Variants in GPR107 observed in about 807,000 individuals in gnomAD.
GPR107 encodes the protein G protein-coupled receptor 107, also known as protein GPR107.
A neutral mutation model predicts 75.5 loss-of-function variants in GPR107; 31 were observed. The observed-to-expected ratio is 0.41, with a 90% confidence interval of 0.31 to 0.55. The LOEUF is 0.55. Among genes scored for constraint, GPR107 ranks in the 20% least tolerant of loss-of-function variants. GPR107 has a pLI of 0.26. For synonymous variants in GPR107, 267 were observed against 251.3 expected (o/e 1.06, Z -0.59); for missense variants, 572 against 665.7 (o/e 0.86, Z 1.55).
intron 17 of GPR107, chr9:130,128,971 G>A: frequency 2.1e-6 from 1 of 483,862 alleles, no homozygotes; most frequent in Non-Finnish European, 3.7e-6. Flanking sequence ...GTCTTGTCAG[G>A]GAAGATGGAA....
At chr9:130,107,605 G>T in intron 14 of GPR107, 66 bp downstream of exon 14, 1 of 978,856 alleles carries the variant, frequency 1.0e-6, no homozygotes, top group Non-Finnish European at 1.7e-6. Context: ...GCGGCACTGC[G>T]GAGGAGTGGA....
chr9:130,060,160 T>C (rs1829892774), intron 1 of GPR107, among the ~76,000 whole-genome samples: 1 of 151,942 alleles, frequency 6.6e-6, no homozygotes, highest in African/African-American at 2.4e-5. Flanking sequence ...CCTCCCAGGT[T>C]CAAGCAATTC....
intron 1 of GPR107, among the ~76,000 whole-genome samples, chr9:130,057,827 A>T (rs1829830907): frequency 9.4e-6 from 1 of 106,270 alleles, no homozygotes; most frequent in South Asian, 3.5e-4. Context: ...TTATTTATTT[A>T]TTATTATTAT....
chr9:130,128,442 T>C (rs766184789), intron 16 of GPR107, among the ~76,000 whole-genome samples, 198 bp from the exon 17 acceptor site: 1 of 152,138 alleles, frequency 6.6e-6, no homozygotes, highest in Non-Finnish European at 1.5e-5. Context: ...GCCTCGGAAA[T>C]GTCAGCCCTG....
chr9:130,126,441 G>A (rs4837470), intron 15 of GPR107, among the ~76,000 whole-genome samples: 11,821 of 151,168 alleles, frequency 0.078, 597 homozygotes, highest in East Asian at 0.14. Context: ...CGCCTCTTGG[G>A]TTCAAGCGAT....
intron 3 of GPR107, among the ~76,000 whole-genome samples, chr9:130,076,893 G>T (rs7869811): frequency 0.52 from 75,051 of 145,236 alleles, 19,423 homozygotes; most frequent in East Asian, 0.76. Flanking sequence ...TTTGTTTTTT[G>T]TTTTTTTTTT....
chr9:130,109,925 A>C (rs943983673), intron 14 of GPR107, among the ~76,000 whole-genome samples: 9 of 152,148 alleles, frequency 5.9e-5, no homozygotes, highest in Non-Finnish European at 1.5e-5. Context: ...ATTATCTTAT[A>C]CACTTCTGTA....
intron 1 of GPR107, among the ~76,000 whole-genome samples, chr9:130,059,403 A>C (rs957435191): frequency 1.3e-5 from 2 of 152,060 alleles, no homozygotes; most frequent in Non-Finnish European, 2.9e-5. Flanking sequence ...CAGGAGAATC[A>C]CTGTAACGCA....
intron 1 of GPR107, among the ~76,000 whole-genome samples, chr9:130,063,272 G>C (rs889633665): frequency 6.6e-6 from 1 of 151,722 alleles, no homozygotes; most frequent in Non-Finnish European, 1.5e-5. Context: ...CTCACTGCAA[G>C]CTCCACTTCC....
At position 130,139,264 on chromosome 9, in the gene GPR107, G is replaced by A. The variant is rs1832035457; in HGVS notation, c.*4143G>A. Reference sequence around the variant, plus strand: ...TATCAAAAAGATATTCATCCAGAAAGTACCAAATGTTCTGAAAGACCCGCT... The same window carrying A: ...TATCAAAAAGATATTCATCCAGAAAATACCAAATGTTCTGAAAGACCCGCT... On this transcript the variant is annotated 3_prime_UTR_variant, in exon 18 of 18. Transcript: ENST00000347136. 6.6e-6 allele frequency: 1 copy of A among 152,176 alleles called. No individual in the cohort carries two copies. Among genetic ancestry groups the A allele is most frequent in the African/African-American group, 2.4e-5 (1 of 41,420 alleles). The allele number at this position is 152,176 out of a possible 1,614,324, so 9.4% of individuals were successfully genotyped here.
At chr9:130,068,303 T>G (rs1056258163) in intron 1 of GPR107, among the ~76,000 whole-genome samples, 2 of 152,096 alleles carry the variant, frequency 1.3e-5, no homozygotes, top group African/African-American at 4.8e-5. Flanking sequence ...GAATGGGTTC[T>G]TATTGTACTG....
At chr9:130,125,516 A>G (rs1415138515) in intron 15 of GPR107, among the ~76,000 whole-genome samples, 1 of 151,184 alleles carries the variant, frequency 6.6e-6, no homozygotes, top group East Asian at 1.9e-4. Context: ...CTGGGACTGC[A>G]GGTGTAGGCC....
In GPR107 at chr9:130,110,248, G is replaced by C; in HGVS notation, c.1306+2709G>C. 7 of 671,948 alleles carry C rather than the reference G, an allele frequency of 1.0e-5. No individual in the cohort carries two copies. The South Asian group carries it at 1.1e-4, about 11-fold the overall frequency. 41.6% of individuals were successfully genotyped at this position (671,948 alleles called of 1,614,324 possible). ...TCTGTCTGGAGTAGATGGCACAGCA[G>C]GTGAGGCAGCATGGGGTCAGCGTTG... is the stretch of plus-strand genomic sequence containing the variant. On this transcript the variant is annotated intron_variant, in intron 14 of 17. Transcript: ENST00000347136.
intron 14 of GPR107, among the ~76,000 whole-genome samples, chr9:130,121,212 CAAAA>C (rs1831539007): frequency 6.6e-6 from 1 of 151,914 alleles, no homozygotes. Context: ...CAAAACAAAA[CAAAA>C]CAAAACCCTT....
At chr9:130,067,011 T>C (rs79883958) in intron 1 of GPR107, among the ~76,000 whole-genome samples, 269 of 151,048 alleles carry the variant, frequency 1.8e-3, no homozygotes, top group African/African-American at 6.4e-3. Flanking sequence ...AGCTTGGTTA[T>C]GGCAGCCAAG....
At position 130,135,116 on chromosome 9, in the gene GPR107, G is replaced by T; in HGVS notation, c.1654G>T (p.Val552Leu). 1.3e-6 allele frequency: 2 copies of T among 1,584,950 alleles called. No individual in the cohort carries two copies. The highest frequency in any genetic ancestry group is 2.2e-5 in the South Asian group (2 of 90,112). ...VEPQGEWEGA[V>L] is the part of the protein sequence containing the mutation. ...GCCCCAGGGCGAGTGGGAAGGCGCC[G>T]TGTGACAGAGCCGACCCTGAGGATG... Residue 552 changes from valine to leucine, a missense_variant, in exon 18 of 18, where the codon GTG becomes TTG. Transcript: ENST00000347136.
intron 7 of GPR107, among the ~76,000 whole-genome samples, chr9:130,089,896 A>C (rs978819619): frequency 2.0e-5 from 3 of 152,150 alleles, no homozygotes; most frequent in African/African-American, 7.2e-5. Context: ...TGTGAGGTAC[A>C]GTATACATGC....
At chr9:130,088,413 C>G (rs1023374989) in intron 7 of GPR107, among the ~76,000 whole-genome samples, 2 of 152,204 alleles carry the variant, frequency 1.3e-5, no homozygotes, top group Non-Finnish European at 2.9e-5. Context: ...TGTGCTCTGT[C>G]TTTCCTTAGT....
At chr9:130,128,550 G>A in intron 16 of GPR107, 90 bp from the exon 17 acceptor site, 2 of 1,075,476 alleles carry the variant, frequency 1.9e-6, no homozygotes, top group Middle Eastern at 2.0e-4. Flanking sequence ...GGTGGGTTGT[G>A]GGGAAATATG....
Sources: allele counts gnomAD v4.1 joint callset (sites outside exome capture counted in the v4.1 genomes callset), GRCh38; gene constraint gnomAD v4.1.1; transcripts MANE v1.5; gene names NCBI Gene and HGNC (gene_info 2026-07-23, HGNC 2026-07-21).